EDC3: variants seen among roughly 807,000 people sequenced by gnomAD.
The protein encoded by EDC3 is enhancer of mRNA decapping 3.
Under a neutral mutation model 41.8 loss-of-function variants are expected in EDC3, and 20 were observed. The ratio of observed to expected loss-of-function variants is 0.48; its 90% CI spans 0.34 to 0.70. EDC3 has a LOEUF of 0.70. Ranked by LOEUF, EDC3 falls within the 30% of genes least tolerant of loss-of-function variation. EDC3 has a pLI of 0.01. For synonymous variants in EDC3, 206 were observed against 243.2 expected (o/e 0.85, Z 1.42); for missense variants, 444 against 636.8 (o/e 0.70, Z 3.26).
At chr15:74,675,485 G>C (rs1008658163) in intron 1 of EDC3, among the ~76,000 whole-genome samples, 4 of 150,810 alleles carry the variant, frequency 2.7e-5, no homozygotes, top group Non-Finnish European at 4.4e-5. Context: ...GTATGTTGCT[G>C]AGAAATAATA....
chr15:74,670,099 C>G (rs962644054), intron 3 of EDC3, among the ~76,000 whole-genome samples: 2 of 146,548 alleles, frequency 1.4e-5, no homozygotes, highest in Non-Finnish European at 3.0e-5. Flanking sequence ...CTCAAGCGAT[C>G]CACCTGCCCC....
intron 1 of EDC3, among the ~76,000 whole-genome samples, chr15:74,694,724 GGT>G (rs10546854): frequency 0.18 from 27,036 of 151,280 alleles, 3,487 homozygotes; most frequent in East Asian, 0.41. Flanking sequence ...ACTTTTCATT[GGT>G]GTGTGTGTGT....
chr15:74,665,002 T>C (rs1290661421), intron 3 of EDC3, among the ~76,000 whole-genome samples: 1 of 152,194 alleles, frequency 6.6e-6, no homozygotes, highest in Non-Finnish European at 1.5e-5. Flanking sequence ...TCTCTAAATA[T>C]AAATGAGTTA....
At chr15:74,678,324 G>A (rs1358472072) in intron 1 of EDC3, among the ~76,000 whole-genome samples, 1 of 152,056 alleles carries the variant, frequency 6.6e-6, no homozygotes, top group Admixed American at 6.6e-5. Context: ...GGGCTTACTG[G>A]GGGACAACAG....
intron 5 of EDC3, chr15:74,636,273 G>C (rs1194483924): frequency 6.5e-6 from 1 of 153,584 alleles, no homozygotes; most frequent in Non-Finnish European, 1.4e-5. Context: ...AATGCTGCAG[G>C]CATTAACAGT....
At chr15:74,658,624 GAAA>G (rs60193835) in intron 3 of EDC3, among the ~76,000 whole-genome samples, 2,902 of 38,332 alleles carry the variant, frequency 0.076, 52 homozygotes, top group East Asian at 0.22. Context: ...TTACGTCTCT[GAAA>G]AAAAAAAAAA....
At position 74,640,484 on chromosome 15, in the gene EDC3, A is replaced by T. The variant is rs745515842; in HGVS notation, c.956T>A (p.Leu319His). 1 of 1,614,098 alleles carries T rather than the reference A, an allele frequency of 6.2e-7. No homozygotes were observed. Among genetic ancestry groups the T allele is most frequent in the Non-Finnish European group, 8.5e-7 (1 of 1,179,994 alleles). The change falls in exon 5 of 7, where the codon CTC (leucine) becomes CAC (histidine). Residue 319 changes from leucine to histidine, a missense_variant. Coordinates refer to ENST00000315127, the MANE Select transcript of EDC3 (RefSeq NM_025083.5). ...CATTTACCTGTTAGGTCCTCCGAGG[A>T]GGGTCAGTGCCATCTGACTGGCACA... ...GVCASQMALT[L>H]LGGPNRLNPK...
intron 2 of EDC3, among the ~76,000 whole-genome samples, chr15:74,672,614 G>A (rs1024694007): frequency 3.3e-5 from 5 of 152,212 alleles, no homozygotes; most frequent in African/African-American, 1.2e-4. Flanking sequence ...CCAGGAGTTC[G>A]AGACCAGCCT....
At position 74,651,017 on chromosome 15, in the gene EDC3, T is replaced by A. The variant is rs540684262; in HGVS notation, c.820+4716A>T. ...TGTCTCAAAAAATAATAATAAAATT[T>A]AAAAAAAAATTAAAAAAAGAATCTT... On this transcript the variant is annotated intron_variant, in intron 4 of 6. Transcript: ENST00000315127. 9.9e-5 allele frequency among the ~76,000 whole-genome samples: 15 copies of A among 151,434 alleles called. No homozygotes were observed. The South Asian group carries it at 1.5e-3, about 15-fold the overall frequency.
intron 4 of EDC3, chr15:74,645,346 A>G (rs1319563113): frequency 1.3e-5 from 2 of 152,142 alleles, no homozygotes; most frequent in Non-Finnish European, 2.9e-5. Flanking sequence ...ATCACACTGA[A>G]TTTATGTGCT....
At chr15:74,690,680 C>T (rs1451859101) in intron 1 of EDC3, among the ~76,000 whole-genome samples, 1 of 152,182 alleles carries the variant, frequency 6.6e-6, no homozygotes, top group African/African-American at 2.4e-5. Flanking sequence ...AGCATGATGG[C>T]TCAGGCCCTA....
At chr15:74,655,613 A>T (rs1463782453) in intron 4 of EDC3, 120 bp downstream of exon 4, 13 of 1,029,930 alleles carry the variant, frequency 1.3e-5, no homozygotes, top group Non-Finnish European at 1.8e-5. Context: ...CGGGCCAGCC[A>T]CCAAGCCACT....
chr15:74,694,951 C>T (rs182413126), intron 1 of EDC3, among the ~76,000 whole-genome samples: 1 of 149,932 alleles, frequency 6.7e-6, no homozygotes, highest in African/African-American at 2.5e-5. Flanking sequence ...ACGTAATCTG[C>T]CATTCATTAA....
chr15:74,640,294 AG>A, intron 5 of EDC3, 171 bp downstream of exon 5: 2 of 690,652 alleles, frequency 2.9e-6, no homozygotes, highest in Non-Finnish European at 4.8e-6. Context: ...GGGTCTGAGG[AG>A]GGGCAAAGAA....
intron 3 of EDC3, among the ~76,000 whole-genome samples, chr15:74,658,900 C>T (rs1452237720): frequency 6.6e-6 from 1 of 152,014 alleles, no homozygotes; most frequent in Non-Finnish European, 1.5e-5. Flanking sequence ...AGATGCACCA[C>T]TGCACTCCAG....
At chr15:74,650,843 C>T (rs909430029) in intron 4 of EDC3, among the ~76,000 whole-genome samples, 1 of 151,884 alleles carries the variant, frequency 6.6e-6, no homozygotes, top group Non-Finnish European at 1.5e-5. Context: ...ACTAAAAATA[C>T]AAAAATTTGC....
rs571590801 is a variant in EDC3, at chr15:74,656,802, G to A, written c.485-734C>T. Among the ~76,000 whole-genome samples the A allele has an allele frequency of 2.0e-5, 3 of 152,258 alleles. No individual in the cohort carries two copies. The South Asian group carries it at 6.2e-4, about 31-fold the overall frequency. ...CCCCACCCTATCCTGTGCCTATAAA[G>A]ACCCCAGACTCAGTCAGCAGAGATG... On this transcript the variant is annotated intron_variant, in intron 3 of 6. Coordinates refer to ENST00000315127, the MANE Select transcript of EDC3 (RefSeq NM_025083.5).
chr15:74,691,162 A>G (rs1216800268), intron 1 of EDC3, among the ~76,000 whole-genome samples: 1 of 151,860 alleles, frequency 6.6e-6, no homozygotes, highest in Non-Finnish European at 1.5e-5. Flanking sequence ...GAAAAAAATG[A>G]AATCAGACAT....
intron 4 of EDC3, 31 bp downstream of exon 4, chr15:74,655,701 AC>A (rs776240001): frequency 1.2e-5 from 19 of 1,566,310 alleles, no homozygotes; most frequent in Non-Finnish European, 1.6e-5. Flanking sequence ...GGCAACAGCA[AC>A]CAGCAGGATG....
Sources: gnomAD v4.1 joint callset for allele counts (sites outside exome capture counted in the v4.1 genomes callset) on GRCh38, gnomAD v4.1.1 for gene constraint, MANE v1.5 for transcripts, NCBI Gene and HGNC (gene_info 2026-07-23, HGNC 2026-07-21) for gene names.